AP2B1: variants seen among roughly 807,000 people sequenced by gnomAD.
The protein encoded by AP2B1 is adaptor related protein complex 2 subunit beta 1, also known as AP-2 complex subunit beta.
Under a neutral mutation model 102.0 loss-of-function variants are expected in AP2B1, and 23 were observed. That is an observed-to-expected ratio of 0.23 (90% CI 0.16 to 0.32). AP2B1 has a LOEUF of 0.32. Ranked by LOEUF, AP2B1 falls within the 10% of genes least tolerant of loss-of-function variation. AP2B1 has a pLI of 1.00. For missense variants in AP2B1, 541 were observed against 1,157.4 expected (o/e 0.47, Z 7.73); for synonymous variants, 381 against 421.2 (o/e 0.90, Z 1.17).
intron 5 of AP2B1, among the ~76,000 whole-genome samples, chr17:35,618,035 C>T (rs2074073551): frequency 6.6e-6 from 1 of 152,024 alleles, no homozygotes; most frequent in Non-Finnish European, 1.5e-5. Context: ...TGTTGGCTCA[C>T]TAGGTAGTTT....
chr17:35,716,180 A>G (rs1296300661), intron 20 of AP2B1, among the ~76,000 whole-genome samples: 1 of 152,170 alleles, frequency 6.6e-6, no homozygotes, highest in Admixed American at 6.5e-5. Context: ...AATATGACAG[A>G]TTTTTATGTG....
chr17:35,616,336 T>A (rs938394091), intron 5 of AP2B1, among the ~76,000 whole-genome samples: 25 of 151,840 alleles, frequency 1.6e-4, no homozygotes, highest in African/African-American at 6.0e-4. Flanking sequence ...GGCTAATTTT[T>A]TTTGTATTTT....
At chr17:35,596,714 G>A (rs1176760114) in intron 2 of AP2B1, among the ~76,000 whole-genome samples, 2 of 152,134 alleles carry the variant, frequency 1.3e-5, no homozygotes, top group Non-Finnish European at 2.9e-5. Context: ...GCTGCCCGGT[G>A]TAGAAGCCCA....
intron 12 of AP2B1, among the ~76,000 whole-genome samples, chr17:35,646,093 G>A (rs1281270989): frequency 6.6e-6 from 1 of 152,188 alleles, no homozygotes; most frequent in East Asian, 1.9e-4. Context: ...ATGTTAAAAT[G>A]TTGATGCACA....
chr17:35,596,803 C>T (rs78283170), intron 2 of AP2B1: 15 of 626,362 alleles, frequency 2.4e-5, no homozygotes, highest in Admixed American at 1.7e-4. Flanking sequence ...TGCATGGGCC[C>T]CCGCAGCGCT....
intron 14 of AP2B1, among the ~76,000 whole-genome samples, chr17:35,658,414 A>G (rs780410890): frequency 7.9e-5 from 12 of 151,858 alleles, no homozygotes; most frequent in African/African-American, 1.2e-4. Context: ...CAGGATTCTA[A>G]TACTAAAAGG....
intron 9 of AP2B1, among the ~76,000 whole-genome samples, chr17:35,632,295 C>T (rs755230417): frequency 2.0e-5 from 3 of 151,868 alleles, no homozygotes; most frequent in South Asian, 4.1e-4. Flanking sequence ...CCACCATGCC[C>T]GGCTAATTTT....
chr17:35,709,779 G>A lies in AP2B1; in HGVS notation c.2540-455G>A, dbSNP rs181158118. On this transcript the variant is annotated intron_variant, in intron 19 of 21. Transcript: ENST00000610402. ...AGAATTCAGTAATTTGTAATAAACC[G>A]TCAGAACTCCCGATGTGCCTATTGA... 1.5e-4 allele frequency among the ~76,000 whole-genome samples: 23 copies of A among 152,230 alleles called. No homozygotes were observed. The East Asian group carries it at 2.9e-3, about 19-fold the overall frequency.
At chr17:35,608,117 AGTT>A in intron 4 of AP2B1, 22 bp from the exon 5 acceptor site, 1 of 1,611,714 alleles carries the variant, frequency 6.2e-7, no homozygotes, top group Non-Finnish European at 8.5e-7. Context: ...GTATACCTAC[AGTT>A]GTTGGTGATT....
Position 35,675,620 on chromosome 17 carries a change from CT to C in AP2B1, c.2324+1310del, listed in dbSNP as rs1243314976. On this transcript the variant is annotated intron_variant, in intron 17 of 21. Coordinates refer to ENST00000610402, the MANE Select transcript of AP2B1 (RefSeq NM_001030006.2). The stretch of plus-strand genomic sequence containing the variant: ...TGCAGAGTCTGCATTCATCTCTAGC[CT>C]TTTTTTTTTTCCTTTTTTTTTTTTT... 9.5e-4 allele frequency among the ~76,000 whole-genome samples: 133 copies of C among 140,538 alleles called. 1 individual carries two copies. Among genetic ancestry groups the C allele is most frequent in the African/African-American group, 2.3e-3 (88 of 38,548 alleles). 92.2% of individuals were successfully genotyped at this position (140,538 alleles called of 152,430 possible). A position where few individuals can be genotyped will look rare whatever the true frequency, so the allele number is the denominator to read the frequency against.
rs1182227209 is a variant in AP2B1, at chr17:35,725,806, A to C, written c.*2107A>C. The C allele has an allele frequency of 1.3e-5, 2 of 152,582 alleles. No individual in the cohort carries two copies. Among genetic ancestry groups the C allele is most frequent in the African/African-American group, 4.8e-5 (2 of 41,434 alleles). The allele number at this position is 152,582 out of a possible 1,614,324, so 9.5% of individuals were successfully genotyped here. A position where few individuals can be genotyped will look rare whatever the true frequency, so the allele number is the denominator to read the frequency against. The stretch of plus-strand genomic sequence containing the variant: ...AAGTGTGTCAGGGCAAGCAGACAAC[A>C]CAATTTCCTATCAGAATATGTCCCT... On this transcript the variant is annotated 3_prime_UTR_variant, in exon 22 of 22. Transcript: ENST00000610402.
At chr17:35,608,117 A>G in intron 4 of AP2B1, 25 bp from the exon 5 acceptor site, 3 of 1,611,714 alleles carry the variant, frequency 1.9e-6, no homozygotes, top group Admixed American at 1.7e-5. Context: ...GTATACCTAC[A>G]GTTGTTGGTG....
intron 17 of AP2B1, among the ~76,000 whole-genome samples, chr17:35,674,569 G>C (rs2075660065): frequency 6.6e-6 from 1 of 152,146 alleles, no homozygotes; most frequent in Non-Finnish European, 1.5e-5. Context: ...GCTGAGCATG[G>C]TGGCAGGTAC....
At chr17:35,704,728 T>C (rs1457905112) in intron 18 of AP2B1, among the ~76,000 whole-genome samples, 1 of 152,128 alleles carries the variant, frequency 6.6e-6, no homozygotes, top group African/African-American at 2.4e-5. Flanking sequence ...GAAGAAAATA[T>C]TAAGCAGAAA....
At chr17:35,717,705 A>C (rs2085219687) in intron 21 of AP2B1, among the ~76,000 whole-genome samples, 1 of 152,224 alleles carries the variant, frequency 6.6e-6, no homozygotes, top group Non-Finnish European at 1.5e-5. Flanking sequence ...TTGTTTACAT[A>C]GTTAATGTCC....
intron 18 of AP2B1, among the ~76,000 whole-genome samples, chr17:35,692,110 A>G (rs941072042): frequency 6.6e-6 from 1 of 152,206 alleles, no homozygotes; most frequent in Non-Finnish European, 1.5e-5. Context: ...GAATGGCCAC[A>G]CATAAGCAAT....
chr17:35,606,709 A>G (rs1235621812), intron 4 of AP2B1, among the ~76,000 whole-genome samples: 1 of 152,058 alleles, frequency 6.6e-6, no homozygotes, highest in African/African-American at 2.4e-5. Flanking sequence ...CTGCTGGATA[A>G]TTTTAAAGAA....
intron 9 of AP2B1, among the ~76,000 whole-genome samples, chr17:35,634,039 C>G (rs997267461): frequency 6.6e-6 from 1 of 152,062 alleles, no homozygotes; most frequent in Non-Finnish European, 1.5e-5. Flanking sequence ...CCCAGCTACT[C>G]GGGAGGCTGA....
At chr17:35,606,632 G>A (rs2073684898) in intron 4 of AP2B1, among the ~76,000 whole-genome samples, 1 of 152,056 alleles carries the variant, frequency 6.6e-6, no homozygotes, top group African/African-American at 2.4e-5. Flanking sequence ...AGTTTTAACA[G>A]TTACCGACAC....
Sources: allele counts gnomAD v4.1 joint callset (sites outside exome capture counted in the v4.1 genomes callset), GRCh38; gene constraint gnomAD v4.1.1; transcripts MANE v1.5; gene names NCBI Gene and HGNC (gene_info 2026-07-23, HGNC 2026-07-21).